RUFY2: variants seen among roughly 807,000 people sequenced by gnomAD.
RUFY2 encodes the protein RUN and FYVE domain containing 2.
RUFY2 carries 49 observed loss-of-function variants against 94.4 expected under a neutral mutation model. The observed-to-expected ratio is 0.52, with a 90% confidence interval of 0.41 to 0.66. The LOEUF is 0.66. RUFY2 is among the 30% of genes least tolerant of loss of function. The probability of loss-of-function intolerance (pLI) is 0.00; values close to 1 mark genes in which losing one functional copy is unlikely to be tolerated. For missense variants in RUFY2, 541 were observed against 692.8 expected, an observed-to-expected ratio of 0.78 and a Z score of 2.46; for synonymous variants, 255 against 235.7, an observed-to-expected ratio of 1.08 and a Z score of -0.75.
intron 16 of RUFY2, among the ~76,000 whole-genome samples, chr10:68,353,314 G>A (rs2046820692): frequency 6.9e-6 from 1 of 144,700 alleles, no homozygotes; most frequent in Non-Finnish European, 1.5e-5. Context: ...CTGGGTAACA[G>A]AGCGAGACCC....
chr10:68,390,202 A>G (rs2049870868), intron 7 of RUFY2, among the ~76,000 whole-genome samples: 1 of 152,240 alleles, frequency 6.6e-6, no homozygotes, highest in Non-Finnish European at 1.5e-5. Flanking sequence ...CATTTAAAAA[A>G]GACTTATATG....
chr10:68,371,764 A>G (rs1460175878), intron 13 of RUFY2, among the ~76,000 whole-genome samples: 1 of 152,198 alleles, frequency 6.6e-6, no homozygotes, highest in Non-Finnish European at 1.5e-5. Context: ...GTTAAAGCCC[A>G]AAAAACATTT....
chr10:68,376,117 A>T (rs2132674379), intron 13 of RUFY2, among the ~76,000 whole-genome samples: 1 of 149,770 alleles, frequency 6.7e-6, no homozygotes. Context: ...GAAAAAAAAA[A>T]AAGTTGATTT....
chr10:68,403,855 A>G (rs2051058393), intron 2 of RUFY2, among the ~76,000 whole-genome samples: 1 of 150,578 alleles, frequency 6.6e-6, no homozygotes, highest in Non-Finnish European at 1.5e-5. Flanking sequence ...ACAGTGCTAC[A>G]CTCAGAGTTC....
intron 12 of RUFY2, 155 bp from the exon 13 acceptor site, chr10:68,377,127 C>T: frequency 6.7e-7 from 1 of 1,491,166 alleles, no homozygotes; most frequent in African/African-American, 1.4e-5. Flanking sequence ...CGTGAAAGAG[C>T]CACACAATGT....
intron 13 of RUFY2, among the ~76,000 whole-genome samples, chr10:68,364,947 TC>T (rs1476360668): frequency 9.2e-5 from 14 of 152,158 alleles, no homozygotes; most frequent in East Asian, 1.9e-4. Context: ...ACAAATCACT[TC>T]CATGATTATT....
intron 3 of RUFY2, among the ~76,000 whole-genome samples, chr10:68,400,461 G>A (rs1284973246): frequency 6.6e-6 from 1 of 151,862 alleles, no homozygotes; most frequent in African/African-American, 2.4e-5. Flanking sequence ...CGGATCACAA[G>A]GTCAGGAGAT....
At position 68,355,355 on chromosome 10, in the gene RUFY2, G is replaced by A. The variant is rs1186669226; in HGVS notation, c.1597C>T (p.Gln533Ter). ...CTTTAGGAAAACGTTCTACTCACCT[G>A]CAATGCTTTGTTGGCTTCTTTTATG... ...EDIKEANKAL[Q>*]GLVWLKDKEA... Residue 533 changes from glutamine (Q) to a stop codon, truncating the protein, a stop_gained and splice_region_variant, in exon 16 of 18, where the codon CAG becomes TAG. Transcript: ENST00000602465. LOFTEE classifies it high-confidence loss of function. The A allele has an allele frequency of 1.2e-6, 2 of 1,609,210 alleles. No individual in the cohort carries two copies. Among genetic ancestry groups the A allele is most frequent in the Non-Finnish European group, 1.7e-6 (2 of 1,176,306 alleles).
At chr10:68,377,458 T>C in intron 12 of RUFY2, 3 of 993,354 alleles carry the variant, frequency 3.0e-6, no homozygotes, top group Non-Finnish European at 3.6e-6. Context: ...CTCCAAATGA[T>C]AGCCAAGTCC....
intron 1 of RUFY2, chr10:68,406,717 G>T: frequency 1.3e-6 from 2 of 1,557,566 alleles, no homozygotes; most frequent in Non-Finnish European, 8.7e-7. Context: ...CTGCCCAGAG[G>T]CCTGGGGGCC....
At chr10:68,350,762 G>A (rs941677366) in intron 16 of RUFY2, among the ~76,000 whole-genome samples, 5 of 151,942 alleles carry the variant, frequency 3.3e-5, no homozygotes, top group Admixed American at 6.6e-5. Context: ...TGCCAGGCTG[G>A]AGTGCAATGG....
rs897519516 is a variant in RUFY2 at position 68,344,422 on chromosome 10, G to A, written c.*1346C>T. 2.0e-5 allele frequency: 3 copies of A among 152,124 alleles called. No individual in the cohort carries two copies. Among genetic ancestry groups the A allele is most frequent in the African/African-American group, 7.2e-5 (3 of 41,410 alleles). 9.4% of individuals were successfully genotyped at this position (152,124 alleles called of 1,614,324 possible). A position where few individuals can be genotyped will look rare whatever the true frequency, so the allele number is the denominator to read the frequency against. ...GGTTAAAAATTAATGTAAAAAATAG[G>A]ATACTGAATGGTGATAGTGTTTATG... On this transcript the variant is annotated 3_prime_UTR_variant, in exon 18 of 18. Coordinates refer to ENST00000602465, the MANE Select transcript of RUFY2 (RefSeq NM_001330103.2).
At chr10:68,377,061 A>C in intron 12 of RUFY2, 89 bp from the exon 13 acceptor site, 2 of 1,559,646 alleles carry the variant, frequency 1.3e-6, no homozygotes, top group South Asian at 2.4e-5. Flanking sequence ...AAAAATGGGG[A>C]AATAGAAACA....
chr10:68,378,695 C>A, intron 12 of RUFY2: 2 of 1,563,720 alleles, frequency 1.3e-6, no homozygotes, highest in South Asian at 1.2e-5. Flanking sequence ...GGAAAGAAAT[C>A]AAAGACAGAA....
chr10:68,343,205 G>T (rs1205882436), downstream of RUFY2: 1 of 152,190 alleles, frequency 6.6e-6, no homozygotes, highest in Non-Finnish European at 1.5e-5. Context: ...TATGGCGTCT[G>T]TCCTAGAATG....
At chr10:68,393,999 A>G (rs1377846621) in intron 6 of RUFY2, 76 bp downstream of exon 6, 1 of 1,450,210 alleles carries the variant, frequency 6.9e-7, no homozygotes, top group African/African-American at 1.4e-5. Flanking sequence ...CACACTGTAA[A>G]TAGATGGATC....
At position 68,405,683 on chromosome 10, in the gene RUFY2, G is replaced by A. The variant is rs80096105; in HGVS notation, c.5-839C>T. 6.4e-3 allele frequency: 6,296 copies of A among 981,474 alleles called. 317 individuals are homozygous for A. In the African/African-American group the frequency reaches 0.1, roughly 16 times the overall value. 60.8% of individuals were successfully genotyped at this position (981,474 alleles called of 1,614,324 possible). A position where few individuals can be genotyped will look rare whatever the true frequency, so the allele number is the denominator to read the frequency against. Reference sequence around the variant, plus strand: ...TAAAATACACTGACAAGGGGACACAGAAGAAGCCGTCCAATTCTTTCGTCT... The same window carrying A: ...TAAAATACACTGACAAGGGGACACAAAAGAAGCCGTCCAATTCTTTCGTCT... On this transcript the variant is annotated intron_variant, in intron 1 of 17. Coordinates refer to ENST00000602465, the MANE Select transcript of RUFY2 (RefSeq NM_001330103.2).
intron 15 of RUFY2, 41 bp from the exon 16 acceptor site, chr10:68,355,442 T>C: frequency 8.0e-7 from 1 of 1,247,878 alleles, no homozygotes; most frequent in Non-Finnish European, 1.2e-6. Context: ...AGTACACATA[T>C]TTAAATATAG....
intron 1 of RUFY2, chr10:68,405,497 G>A (rs2051221224): frequency 1.0e-6 from 1 of 961,382 alleles, no homozygotes; most frequent in South Asian, 4.8e-5. Context: ...GATAAATTTG[G>A]GGTGAGAGAC....
Sources: gnomAD v4.1 joint callset for allele counts (sites outside exome capture counted in the v4.1 genomes callset) on GRCh38, gnomAD v4.1.1 for gene constraint, MANE v1.5 for transcripts, NCBI Gene and HGNC (gene_info 2026-07-23, HGNC 2026-07-21) for gene names.